Variants in FBXW2 observed in about 807,000 individuals in gnomAD.
FBXW2 encodes the protein F-box and WD repeat domain containing 2.
A neutral mutation model predicts 46.0 loss-of-function variants in FBXW2; 12 were observed. The ratio of observed to expected loss-of-function variants is 0.26; its 90% CI spans 0.17 to 0.42. The LOEUF is 0.42. FBXW2 is among the 10% of genes least tolerant of loss of function. The pLI, the probability that FBXW2 is intolerant of heterozygous loss-of-function variation, is 1.00. For missense variants in FBXW2, 360 were observed against 537.0 expected, an observed-to-expected ratio of 0.67 and a Z score of 3.26; for synonymous variants, 203 against 209.6, an observed-to-expected ratio of 0.97 and a Z score of 0.27.
chr9:120,788,103 G>A lies in FBXW2; in HGVS notation c.156C>T (p.Leu52=). Residue 52 remains leucine, a synonymous_variant, in exon 3 of 8, where the codon CTC becomes CTT. Transcript: ENST00000608872. The part of the protein sequence containing the change: ...RHLSNNLETL[L]KRDFLKLLPL... ...GAAGGAGTTTGAGGAAGTCCCGCTT[G>A]AGGAGAGTCTCTAGGTTATTGGAGA... 6.2e-7 allele frequency: 1 copy of A among 1,614,210 alleles called. No homozygotes were observed. Among genetic ancestry groups the A allele is most frequent in the South Asian group, 1.1e-5 (1 of 91,090 alleles).
chr9:120,790,483 CAAAAAAGAA>C (rs2044814681), intron 2 of FBXW2, among the ~76,000 whole-genome samples: 2 of 150,910 alleles, frequency 1.3e-5, no homozygotes, highest in Admixed American at 6.6e-5. Context: ...GACTCCATCT[CAAAAAAGAA>C]AAAAAAGAAA....
At chr9:120,778,662 C>G (rs2044549700) in intron 3 of FBXW2, 117 bp from the exon 4 acceptor site, 3 of 843,184 alleles carry the variant, frequency 3.6e-6, no homozygotes, top group Non-Finnish European at 5.5e-6. Context: ...TAGCACTTTA[C>G]TTTACCACTG....
At chr9:120,778,243 T>A (rs1431662910) in intron 4 of FBXW2, 108 bp downstream of exon 4, 19 of 932,134 alleles carry the variant, frequency 2.0e-5, no homozygotes, top group South Asian at 3.7e-5. Context: ...AGAAAGAGGG[T>A]TGAAAAAAGC....
intron 7 of FBXW2, 45 bp downstream of exon 7, chr9:120,771,303 C>A (rs753326362): frequency 1.3e-6 from 2 of 1,556,168 alleles, no homozygotes; most frequent in East Asian, 4.5e-5. Context: ...TACTGAACTG[C>A]AGCAGGCTTT....
intron 5 of FBXW2, among the ~76,000 whole-genome samples, chr9:120,775,143 C>CAGG (rs2044465745): frequency 1.3e-5 from 2 of 152,034 alleles, no homozygotes; most frequent in Admixed American, 1.3e-4. Context: ...CTGCAACCTC[C>CAGG]GCCTCCCCAG....
chr9:120,782,023 CAAAA>C (rs35159726), intron 3 of FBXW2, among the ~76,000 whole-genome samples: 1 of 76,344 alleles, frequency 1.3e-5, no homozygotes, highest in African/African-American at 5.3e-5. Flanking sequence ...AACTCCGTCT[CAAAA>C]AAAAAAAAAA....
chr9:120,770,529 G>A (rs2044357217), intron 7 of FBXW2, among the ~76,000 whole-genome samples: 2 of 152,132 alleles, frequency 1.3e-5, no homozygotes, highest in Admixed American at 1.3e-4. Flanking sequence ...ATTCAAACAG[G>A]TTTCTTTACA....
At chr9:120,767,384 A>G (rs1471245758) in intron 7 of FBXW2, among the ~76,000 whole-genome samples, 2 of 152,214 alleles carry the variant, frequency 1.3e-5, no homozygotes, top group East Asian at 1.9e-4. Context: ...GACATGTTTG[A>G]GAACATCCAA....
rs1285539675 is a variant in FBXW2 at position 120,793,195 on chromosome 9, T to C, written c.-67A>G. The C allele has an allele frequency of 1.1e-5, 6 of 564,456 alleles. No homozygotes were observed. The highest frequency in any genetic ancestry group is 3.3e-5 in the Admixed American group (1 of 29,924). The allele number at this position is 564,456 out of a possible 1,614,324, so 35.0% of individuals were successfully genotyped here. The stretch of plus-strand genomic sequence containing the variant: ...CGGGACCTCGCGCCGGGTTCACAGC[T>C]ACTAGGCACGCTCGGACCGCCAGAG... On this transcript the variant is annotated 5_prime_UTR_variant, in exon 2 of 8. Transcript: ENST00000608872.
In FBXW2 at chr9:120,760,066, C is replaced by T. The variant is rs1422258617; in HGVS notation, c.*4493G>A. ...AAAAAAGTGAATCTGTTCTTTTCATCAGACATTCTGAGGACAGCATAATTC... is the reference window on the plus strand; with the variant it reads ...AAAAAAGTGAATCTGTTCTTTTCATTAGACATTCTGAGGACAGCATAATTC... On this transcript the variant is annotated 3_prime_UTR_variant, in exon 8 of 8. Coordinates refer to ENST00000608872, the MANE Select transcript of FBXW2 (RefSeq NM_012164.4). 6.6e-6 allele frequency: 1 copy of T among 152,228 alleles called. No individual in the cohort carries two copies. Among genetic ancestry groups the T allele is most frequent in the Non-Finnish European group, 1.5e-5 (1 of 68,040 alleles). The allele number at this position is 152,228 out of a possible 1,614,324, so 9.4% of individuals were successfully genotyped here.
intron 5 of FBXW2, among the ~76,000 whole-genome samples, chr9:120,773,367 A>C (rs946861820): frequency 6.6e-6 from 1 of 152,202 alleles, no homozygotes; most frequent in African/African-American, 2.4e-5. Flanking sequence ...AACTATGTGA[A>C]TCATAAATGA....
chr9:120,788,773 T>C (rs1443645141), intron 2 of FBXW2, among the ~76,000 whole-genome samples: 2 of 152,174 alleles, frequency 1.3e-5, no homozygotes, highest in Non-Finnish European at 2.9e-5. Context: ...GAGACACTGA[T>C]TGTCATGGCA....
intron 3 of FBXW2, among the ~76,000 whole-genome samples, chr9:120,784,090 G>A (rs2044670010): frequency 6.6e-6 from 1 of 152,042 alleles, no homozygotes; most frequent in African/African-American, 2.4e-5. Context: ...TTCAACCACT[G>A]CACAGCGTAA....
chr9:120,789,940 T>C (rs1307729434), intron 2 of FBXW2, among the ~76,000 whole-genome samples: 1 of 152,228 alleles, frequency 6.6e-6, no homozygotes, highest in African/African-American at 2.4e-5. Context: ...AGAAGATTTA[T>C]TAATCTGTAT....
At chr9:120,765,455 C>T (rs1370449045) in intron 7 of FBXW2, among the ~76,000 whole-genome samples, 1 of 152,176 alleles carries the variant, frequency 6.6e-6, no homozygotes, top group Non-Finnish European at 1.5e-5. Context: ...TTACAGATAA[C>T]ATTTAACTAA....
chr9:120,776,327 A>ATT (rs2044496056), intron 4 of FBXW2, 101 bp from the exon 5 acceptor site: 1 of 1,328,714 alleles, frequency 7.5e-7, no homozygotes, highest in Non-Finnish European at 1.0e-6. Context: ...ATAATTTCCC[A>ATT]ACCAGAGACA....
rs376694500 is a variant in FBXW2 at position 120,793,101 on chromosome 9, T to C, written c.-21+48A>G. On this transcript the variant is annotated intron_variant, in intron 2 of 7. Transcript: ENST00000608872. ...ATCCAGATCCCATCAACCCATTCGT[T>C]GCTCCCAGGTCCCTTGCTCTCGGAA... 111 of 740,024 alleles carry C rather than the reference T, an allele frequency of 1.5e-4. 1 individual carries two copies. In the African/African-American group the frequency reaches 1.6e-3, roughly 11 times the overall value. The allele number at this position is 740,024 out of a possible 1,614,324, so 45.8% of individuals were successfully genotyped here. A position where few individuals can be genotyped will look rare whatever the true frequency, so the allele number is the denominator to read the frequency against.
At chr9:120,765,846 T>G (rs2044267124) in intron 7 of FBXW2, among the ~76,000 whole-genome samples, 1 of 152,062 alleles carries the variant, frequency 6.6e-6, no homozygotes, top group Non-Finnish European at 1.5e-5. Context: ...AGTAGGGAGT[T>G]GGGAGGACAG....
chr9:120,787,190 G>A (rs926749100), intron 3 of FBXW2, among the ~76,000 whole-genome samples: 8 of 152,128 alleles, frequency 5.3e-5, no homozygotes, highest in East Asian at 1.9e-4. Context: ...CGCCACGCCC[G>A]GCTACTTTTT....
Sources: allele counts gnomAD v4.1 joint callset (sites outside exome capture counted in the v4.1 genomes callset), GRCh38; gene constraint gnomAD v4.1.1; transcripts MANE v1.5; gene names NCBI Gene and HGNC (gene_info 2026-07-23, HGNC 2026-07-21).